Variants in EML5 observed in about 807,000 individuals in gnomAD.
The protein encoded by EML5 is EMAP like 5, also known as echinoderm microtubule-associated protein-like 5.
In EML5, 120 loss-of-function variants were observed where a neutral mutation model predicts 250.0. The observed-to-expected ratio is 0.48, with a 90% confidence interval of 0.41 to 0.56. The LOEUF (loss-of-function observed/expected upper bound fraction) is 0.56, where lower values mean the gene tolerates loss of function less well. Among genes scored for constraint, EML5 ranks in the 20% least tolerant of loss-of-function variants. EML5 has a pLI of 0.00. For synonymous variants in EML5, 771 were observed against 806.5 expected (o/e 0.96, Z 0.75); for missense variants, 2,006 against 2,437.6 (o/e 0.82, Z 3.73).
rs2087023585 is a variant in EML5, at chr14:88,612,984, A to T, written c.*2834T>A. On this transcript the variant is annotated 3_prime_UTR_variant, in exon 44 of 44. Transcript: ENST00000554922. ...TCAGGACCAAATTAAACTGCTAAAA[A>T]AAAAAAAAAAGTTCATTGACTTGCT... 2 of 152,588 alleles carry T rather than the reference A, an allele frequency of 1.3e-5. No individual in the cohort carries two copies. The highest frequency in any genetic ancestry group is 1.3e-4 in the Admixed American group (2 of 15,262). 9.5% of individuals were successfully genotyped at this position (152,588 alleles called of 1,614,324 possible). A position where few individuals can be genotyped will look rare whatever the true frequency, so the allele number is the denominator to read the frequency against.
At chr14:88,758,358 A>G (rs1249033380) in intron 1 of EML5, among the ~76,000 whole-genome samples, 2 of 151,726 alleles carry the variant, frequency 1.3e-5, no homozygotes, top group Admixed American at 6.6e-5. Flanking sequence ...ACGCCCAGCT[A>G]ATTTTTTTGT....
At chr14:88,667,928 C>T (rs2092351325) in intron 21 of EML5, among the ~76,000 whole-genome samples, 1 of 152,216 alleles carries the variant, frequency 6.6e-6, no homozygotes, top group Admixed American at 6.5e-5. Flanking sequence ...CCATTCAGCT[C>T]TGGCCTGCTG....
rs1566634340 is a variant in EML5, at chr14:88,687,242, C to G, written c.2828G>C (p.Arg943Thr). ...ERCLKTYAIK[R>T]AALAPGSKGL... ...TTTAGATCCTGGGGCCAATGCAGCT[C>G]TTTTTATAGCATAGGTCTTGAGACA... The change falls in exon 19 of 44, where the codon AGA (arginine) becomes ACA (threonine). Residue 943 changes from arginine to threonine, a missense_variant. This residue lies in a region of EML5 where 1,375 missense variants were observed against 1,590.3 expected (regional missense o/e 0.86). Coordinates refer to ENST00000554922, the MANE Select transcript of EML5 (RefSeq NM_183387.3). 1 of 1,610,774 alleles carries G rather than the reference C, an allele frequency of 6.2e-7. No individual in the cohort carries two copies. The highest frequency in any genetic ancestry group is 8.5e-7 in the Non-Finnish European group (1 of 1,178,676).
chr14:88,685,026 G>C lies in EML5; in HGVS notation c.2971C>G (p.Leu991Val). ...LEVDKSGPIT[L>V]LVQGHMEGEV... ...GCATTTAAAATTACCTGAACCAGAA[G>C]TGTTATTGGGCCACTTTTATCCACT... is the stretch of plus-strand genomic sequence containing the variant. The change falls in exon 20 of 44, where the codon CTT (leucine) becomes GTT (valine). Residue 991 changes from leucine (L) to valine (V), a missense_variant. This residue lies in a region of EML5 where 1,375 missense variants were observed against 1,590.3 expected (regional missense o/e 0.86). Coordinates refer to ENST00000554922, the MANE Select transcript of EML5 (RefSeq NM_183387.3). 1 of 1,601,874 alleles carries C rather than the reference G, an allele frequency of 6.2e-7. No individual in the cohort carries two copies. The highest frequency in any genetic ancestry group is 8.5e-7 in the Non-Finnish European group (1 of 1,174,718).
intron 7 of EML5, among the ~76,000 whole-genome samples, chr14:88,729,459 T>A (rs539867606): frequency 6.6e-6 from 1 of 152,310 alleles, no homozygotes. Context: ...TTGAAAAAAA[T>A]GTTTTAATAA....
At position 88,661,564 on chromosome 14, in the gene EML5, C is replaced by T. The variant is rs1595419304; in HGVS notation, c.3675+90G>A. The T allele has an allele frequency of 4.4e-6, 5 of 1,142,312 alleles. No homozygotes were observed. In the East Asian group the frequency reaches 1.3e-4, roughly 29 times the overall value. The allele number at this position is 1,142,312 out of a possible 1,614,324, so 70.8% of individuals were successfully genotyped here. A position where few individuals can be genotyped will look rare whatever the true frequency, so the allele number is the denominator to read the frequency against. ...TACAACATTACATATTACATATGTA[C>T]AATTAATAACAATGAAGTGCTATGA... On this transcript the variant is annotated intron_variant, in intron 25 of 43. Coordinates refer to ENST00000554922, the MANE Select transcript of EML5 (RefSeq NM_183387.3).
chr14:88,744,551 T>A (rs2093977449), intron 3 of EML5, among the ~76,000 whole-genome samples: 1 of 151,506 alleles, frequency 6.6e-6, no homozygotes, highest in Admixed American at 6.6e-5. Context: ...TTACAGTAAT[T>A]TTTTTCACTG....
intron 29 of EML5, among the ~76,000 whole-genome samples, chr14:88,646,487 C>T (rs1004093371): frequency 1.3e-5 from 2 of 151,946 alleles, no homozygotes; most frequent in Non-Finnish European, 2.9e-5. Flanking sequence ...ATGATAGAAG[C>T]CTTGCTTTTT....
chr14:88,781,719 C>G (rs773306029), intron 1 of EML5, among the ~76,000 whole-genome samples: 1 of 152,156 alleles, frequency 6.6e-6, no homozygotes, highest in Non-Finnish European at 1.5e-5. Context: ...GGCTTTTCCC[C>G]CTCTTCACTC....
intron 2 of EML5, among the ~76,000 whole-genome samples, chr14:88,751,461 G>C (rs1323914492): frequency 1.3e-5 from 2 of 152,042 alleles, no homozygotes; most frequent in Admixed American, 6.6e-5. Flanking sequence ...ACTGGAAAGC[G>C]GCAAGAGACA....
chr14:88,696,191 C>T (rs576792841), intron 15 of EML5, among the ~76,000 whole-genome samples: 1 of 151,416 alleles, frequency 6.6e-6, no homozygotes, highest in East Asian at 1.9e-4. Context: ...ATATATTTCC[C>T]TCTGAACTCT....
At chr14:88,701,223 G>C (rs1299292830) in intron 14 of EML5, among the ~76,000 whole-genome samples, 1 of 152,142 alleles carries the variant, frequency 6.6e-6, no homozygotes, top group East Asian at 1.9e-4. Context: ...ACAACTCAGG[G>C]AAGTGGGTGT....
At chr14:88,718,674 G>T (rs1316031417) in intron 8 of EML5, among the ~76,000 whole-genome samples, 1 of 152,166 alleles carries the variant, frequency 6.6e-6, no homozygotes, top group Non-Finnish European at 1.5e-5. Flanking sequence ...GATAGAGGTT[G>T]ATAATTAGAA....
intron 14 of EML5, among the ~76,000 whole-genome samples, chr14:88,698,302 T>A (rs1232785140): frequency 2.4e-4 from 34 of 141,546 alleles, no homozygotes; most frequent in Non-Finnish European, 6.0e-5. Context: ...GTTTCACTCC[T>A]GTTGCCCTGC....
intron 14 of EML5, among the ~76,000 whole-genome samples, chr14:88,698,458 G>A (rs2093132492): frequency 6.6e-6 from 1 of 151,716 alleles, no homozygotes; most frequent in Non-Finnish European, 1.5e-5. Context: ...GTAAAGATGG[G>A]GTTTCACTAC....
At chr14:88,703,848 G>A (rs889363214) in intron 13 of EML5, among the ~76,000 whole-genome samples, 1 of 152,110 alleles carries the variant, frequency 6.6e-6, no homozygotes, top group Non-Finnish European at 1.5e-5. Context: ...GACATATTGA[G>A]GGGAGATGAT....
At chr14:88,680,260 ACT>A (rs2092688980) in intron 21 of EML5, among the ~76,000 whole-genome samples, 1 of 152,018 alleles carries the variant, frequency 6.6e-6, no homozygotes, top group East Asian at 1.9e-4. Context: ...TTTGGCAAAA[ACT>A]CTCCAAACAG....
At chr14:88,652,511 C>CT (rs2091678443) in intron 27 of EML5, among the ~76,000 whole-genome samples, 1 of 152,168 alleles carries the variant, frequency 6.6e-6, no homozygotes, top group African/African-American at 2.4e-5. Flanking sequence ...TTCTATCTCT[C>CT]TGAGTTCCAA....
At position 88,706,440 on chromosome 14, in the gene EML5, A is replaced by G. The variant is rs1370441091; in HGVS notation, c.1658-14T>C. ...TAAACTTGGCCCCTATAATAAAAAT[A>G]TATCTTTAAATTGATAAACAAATGC... On this transcript the variant is annotated splice_polypyrimidine_tract_variant and intron_variant, in intron 10 of 43. Coordinates refer to ENST00000554922, the MANE Select transcript of EML5 (RefSeq NM_183387.3). 4.8e-6 allele frequency: 7 copies of G among 1,462,980 alleles called. No homozygotes were observed. The highest frequency in any genetic ancestry group is 6.3e-6 in the Non-Finnish European group (7 of 1,106,798). 90.6% of individuals were successfully genotyped at this position (1,462,980 alleles called of 1,614,324 possible).
Sources: allele counts gnomAD v4.1 joint callset (sites outside exome capture counted in the v4.1 genomes callset), GRCh38; gene constraint gnomAD v4.1.1; regional missense constraint gnomAD v4.1.1; transcripts MANE v1.5; gene names NCBI Gene and HGNC (gene_info 2026-07-23, HGNC 2026-07-21).